Variants in BUB1B observed in about 807,000 individuals in gnomAD.
The protein encoded by BUB1B is mitotic checkpoint serine/threonine-protein kinase BUB1 beta.
A neutral mutation model predicts 137.7 loss-of-function variants in BUB1B; 86 were observed. The observed-to-expected ratio is 0.62, with a 90% confidence interval of 0.52 to 0.75. The LOEUF (loss-of-function observed/expected upper bound fraction) is 0.75, where lower values mean the gene tolerates loss of function less well. BUB1B is among the 30% of genes least tolerant of loss of function. BUB1B has a pLI of 0.00. For synonymous variants in BUB1B, 420 were observed against 417.9 expected (o/e 1.00, Z -0.06); for missense variants, 1,130 against 1,236.9 (o/e 0.91, Z 1.30).
At chr15:40,180,483 C>G (rs947957225) in intron 5 of BUB1B, among the ~76,000 whole-genome samples, 2 of 151,688 alleles carry the variant, frequency 1.3e-5, no homozygotes, top group African/African-American at 2.4e-5. Flanking sequence ...CCAGGCTGGT[C>G]TCAAACTCCT....
intron 5 of BUB1B, among the ~76,000 whole-genome samples, chr15:40,181,347 T>A (rs975523067): frequency 4.1e-4 from 62 of 152,208 alleles, no homozygotes; most frequent in African/African-American, 1.5e-3. Flanking sequence ...CGCCTCGGCC[T>A]CCCAAAGTGC....
chr15:40,176,656 A>C lies in BUB1B; in HGVS notation c.564A>C (p.Arg188Ser). Reference sequence around the variant, plus strand: ...AACAGAAGGCTGAACCACTAGAAAGACTACAGTCCCAGCACCGGTAAACTT... The same window carrying C: ...AACAGAAGGCTGAACCACTAGAAAGCCTACAGTCCCAGCACCGGTAAACTT... ...GIQQKAEPLERLQSQHRQFQA... is the reference protein window; with the variant it reads ...GIQQKAEPLESLQSQHRQFQA... Residue 188 changes from arginine to serine, a missense_variant, in exon 5 of 23, where the codon AGA (arginine) becomes AGC (serine). Arg to Ser is a moderately radical substitution (Grantham distance 110, BLOSUM62 -1). Transcript: ENST00000287598. The C allele has an allele frequency of 1.2e-6, 2 of 1,614,168 alleles. No individual in the cohort carries two copies. The highest frequency in any genetic ancestry group is 1.7e-6 in the Non-Finnish European group (2 of 1,179,998).
At chr15:40,186,289 T>C (rs1245460761) in intron 8 of BUB1B, among the ~76,000 whole-genome samples, 2 of 152,196 alleles carry the variant, frequency 1.3e-5, no homozygotes, top group Non-Finnish European at 2.9e-5. Context: ...TTCCCTCTTA[T>C]CCTGCTTTTT....
chr15:40,201,912 G>T (rs773164585), intron 12 of BUB1B, among the ~76,000 whole-genome samples: 1 of 151,868 alleles, frequency 6.6e-6, no homozygotes, highest in East Asian at 1.9e-4. Context: ...CTCGTGATCC[G>T]CCCACCATGG....
chr15:40,189,265 T>G (rs893481011), intron 8 of BUB1B, among the ~76,000 whole-genome samples: 1 of 152,174 alleles, frequency 6.6e-6, no homozygotes, highest in East Asian at 1.9e-4. Context: ...GTTCAAGCAT[T>G]TCTCCTGTCT....
chr15:40,200,400 G>A (rs529543890), intron 11 of BUB1B, 41 bp downstream of exon 11: 13 of 1,518,236 alleles, frequency 8.6e-6, no homozygotes, highest in African/African-American at 2.8e-5. Context: ...ATATAGGAGG[G>A]CATTTAGAAC....
At chr15:40,183,999 C>A in intron 6 of BUB1B, 116 bp downstream of exon 6, 1 of 1,107,390 alleles carries the variant, frequency 9.0e-7, no homozygotes, top group Non-Finnish European at 1.3e-6. Flanking sequence ...TACTGAGTAG[C>A]AAAAAGAAGG....
intron 2 of BUB1B, among the ~76,000 whole-genome samples, chr15:40,165,743 G>A (rs930239425): frequency 6.6e-6 from 1 of 151,932 alleles, no homozygotes; most frequent in African/African-American, 2.4e-5. Flanking sequence ...GTAAATCAGA[G>A]TATCAGTTTC....
At chr15:40,201,041 A>G (rs2037562188) in intron 12 of BUB1B, 61 bp downstream of exon 12, 1 of 1,472,570 alleles carries the variant, frequency 6.8e-7, no homozygotes, top group South Asian at 1.2e-5. Flanking sequence ...TATGTAATAA[A>G]TGGTAAATAT....
chr15:40,196,493 T>C (rs554695135), intron 8 of BUB1B, 52 bp from the exon 9 acceptor site: 24 of 1,447,406 alleles, frequency 1.7e-5, no homozygotes, highest in East Asian at 1.4e-4. Flanking sequence ...ATCAATCTTA[T>C]TGATTTTTTT....
intron 4 of BUB1B, among the ~76,000 whole-genome samples, 196 bp from the exon 5 acceptor site, chr15:40,176,281 C>T (rs1252767309): frequency 2.0e-5 from 3 of 152,166 alleles, no homozygotes; most frequent in Non-Finnish European, 4.4e-5. Flanking sequence ...GAAGCCTTTA[C>T]TCTCCAACTC....
In BUB1B at chr15:40,170,523, T is replaced by C; in HGVS notation, c.240-14T>C. On this transcript the variant is annotated splice_polypyrimidine_tract_variant and intron_variant, in intron 3 of 22. Coordinates refer to ENST00000287598, the MANE Select transcript of BUB1B (RefSeq NM_001211.6). ...CAATTTAAAATGTGTTCTTATCTTT[T>C]TCCTCCCATTTAGGTATATCAGCTG... The C allele has an allele frequency of 1.2e-6, 2 of 1,613,264 alleles. No individual in the cohort carries two copies. Among genetic ancestry groups the C allele is most frequent in the Non-Finnish European group, 1.7e-6 (2 of 1,179,314 alleles).
Position 40,202,476 on chromosome 15 carries a change from T to G in BUB1B, c.1628+11T>G. 6.2e-7 allele frequency: 1 copy of G among 1,608,892 alleles called. No individual in the cohort carries two copies. On this transcript the variant is annotated intron_variant, in intron 13 of 22. Coordinates refer to ENST00000287598, the MANE Select transcript of BUB1B (RefSeq NM_001211.6). ...AAAGAAGAATAAAAGGTACGTTGTTTTTTTGTTTTTTTGGTTTTTTTTTAC... is the reference window on the plus strand; with the variant it reads ...AAAGAAGAATAAAAGGTACGTTGTTGTTTTGTTTTTTTGGTTTTTTTTTAC...
Position 40,202,572 on chromosome 15 carries a change from G to A in BUB1B, c.1629-17G>A. Reference sequence around the variant, plus strand: ...TGTTATGAAAAAAATTGCTAAGTGAGGTATGTCTTTTTCCAGTCCTCCTGC... The same window carrying A: ...TGTTATGAAAAAAATTGCTAAGTGAAGTATGTCTTTTTCCAGTCCTCCTGC... On this transcript the variant is annotated splice_polypyrimidine_tract_variant and intron_variant, in intron 13 of 22. Coordinates refer to ENST00000287598, the MANE Select transcript of BUB1B (RefSeq NM_001211.6). The A allele has an allele frequency of 1.9e-6, 3 of 1,610,956 alleles. No homozygotes were observed. Among genetic ancestry groups the A allele is most frequent in the Admixed American group, 1.7e-5 (1 of 60,004 alleles).
chr15:40,162,792 C>T (rs1385244453), intron 1 of BUB1B, among the ~76,000 whole-genome samples: 4 of 151,802 alleles, frequency 2.6e-5, no homozygotes, highest in African/African-American at 9.7e-5. Flanking sequence ...GTGTAATTCA[C>T]TATTTTTAAG....
At chr15:40,169,551 A>G (rs953502185) in intron 2 of BUB1B, among the ~76,000 whole-genome samples, 18 of 150,016 alleles carry the variant, frequency 1.2e-4, no homozygotes, top group African/African-American at 4.4e-4. Context: ...TTGTTTCTCT[A>G]ATTTCTATAT....
chr15:40,190,895 T>C (rs1157730656), intron 8 of BUB1B, among the ~76,000 whole-genome samples: 1 of 151,850 alleles, frequency 6.6e-6, no homozygotes, highest in Non-Finnish European at 1.5e-5. Flanking sequence ...GTAATTTTTT[T>C]TTTTTTTTTT....
At chr15:40,215,998 AG>A (rs1302596453) in intron 20 of BUB1B, among the ~76,000 whole-genome samples, 1 of 152,208 alleles carries the variant, frequency 6.6e-6, no homozygotes, top group African/African-American at 2.4e-5. Flanking sequence ...ATTTTTTGTG[AG>A]GAAAATGAGA....
chr15:40,213,503 C>T (rs2140908248), intron 20 of BUB1B, 29 bp downstream of exon 20: 2 of 1,612,846 alleles, frequency 1.2e-6, no homozygotes, highest in Non-Finnish European at 1.7e-6. Context: ...TATAATTCTG[C>T]CAGCTGTCTC....
Sources: gnomAD v4.1 joint callset for allele counts (sites outside exome capture counted in the v4.1 genomes callset) on GRCh38, gnomAD v4.1.1 for gene constraint, MANE v1.5 for transcripts, NCBI Gene and HGNC (gene_info 2026-07-23, HGNC 2026-07-21) for gene names.